The following SDK1 variants were observed in gnomAD, a reference collection of about 807,000 sequenced individuals.
The protein encoded by SDK1 is protein sidekick-1.
A neutral mutation model predicts 245.5 loss-of-function variants in SDK1; 157 were observed. That is an observed-to-expected ratio of 0.64 (90% CI 0.56 to 0.73). The LOEUF (loss-of-function observed/expected upper bound fraction) is 0.73. SDK1 is among the 30% of genes least tolerant of loss of function. SDK1 has a pLI of 0.00. For synonymous variants in SDK1, 1,647 were observed against 1,278.5 expected (o/e 1.29, Z -6.15); for missense variants, 3,583 against 3,002.3 (o/e 1.19, Z -4.52).
chr7:3,608,963 G>A (rs1486143506), intron 1 of SDK1, among the ~76,000 whole-genome samples: 1 of 152,102 alleles, frequency 6.6e-6, no homozygotes, highest in East Asian at 1.9e-4. Flanking sequence ...TATTACAAGA[G>A]ACTAAATGCA....
chr7:3,691,212 G>C (rs548319449), intron 4 of SDK1, among the ~76,000 whole-genome samples: 1 of 152,152 alleles, frequency 6.6e-6, no homozygotes, highest in African/African-American at 2.4e-5. Context: ...CTGGACTTTA[G>C]ATTTGCAAGA....
chr7:4,237,990 C>G (rs1171765520), intron 42 of SDK1, among the ~76,000 whole-genome samples: 1 of 152,206 alleles, frequency 6.6e-6, no homozygotes, highest in Non-Finnish European at 1.5e-5. Flanking sequence ...CAGATGCTGA[C>G]CCTGCCTGCC....
In SDK1 at chr7:3,974,361, G is replaced by C; in HGVS notation, c.1818-8G>C. The stretch of plus-strand genomic sequence containing the variant: ...TTTGTAACTCAAGACCCTTTGCTTG[G>C]CCCACAGCTACGTTTGGAAGAAGGA... On this transcript the variant is annotated splice_region_variant and splice_polypyrimidine_tract_variant and intron_variant, in intron 12 of 44. Coordinates refer to ENST00000404826, the MANE Select transcript of SDK1 (RefSeq NM_152744.4). The C allele has an allele frequency of 1.2e-6, 2 of 1,608,738 alleles. No homozygotes were observed. Among genetic ancestry groups the C allele is most frequent in the Non-Finnish European group, 1.7e-6 (2 of 1,175,610 alleles).
At chr7:4,070,854 C>T (rs1005163217) in intron 20 of SDK1, among the ~76,000 whole-genome samples, 1 of 152,088 alleles carries the variant, frequency 6.6e-6, no homozygotes, top group Non-Finnish European at 1.5e-5. Flanking sequence ...GAACTACAGG[C>T]GTGAGCCACC....
At chr7:3,336,464 AGGT>A (rs1780202787) in intron 1 of SDK1, among the ~76,000 whole-genome samples, 1 of 152,254 alleles carries the variant, frequency 6.6e-6, no homozygotes, top group South Asian at 2.1e-4. Context: ...AGCCACAATG[AGGT>A]GGTGCTAGCA....
At chr7:4,248,979 T>C (rs1038403298) in intron 44 of SDK1, among the ~76,000 whole-genome samples, 6 of 146,434 alleles carry the variant, frequency 4.1e-5, no homozygotes, top group Admixed American at 6.7e-5. Context: ...TACACATATG[T>C]ACATACATGC....
At chr7:3,792,432 C>T (rs575800606) in intron 4 of SDK1, among the ~76,000 whole-genome samples, 1 of 152,164 alleles carries the variant, frequency 6.6e-6, no homozygotes, top group African/African-American at 2.4e-5. Context: ...GGGCATGCAC[C>T]GTGACTTATA....
At chr7:3,524,200 G>A (rs1783041084) in intron 1 of SDK1, among the ~76,000 whole-genome samples, 1 of 152,202 alleles carries the variant, frequency 6.6e-6, no homozygotes, top group Non-Finnish European at 1.5e-5. Context: ...TATGAGAGGT[G>A]AGGTCAGGGG....
rs575374364 is a variant in SDK1, at chr7:4,061,309, T to C, written c.2912-6529T>C. Among the ~76,000 whole-genome samples, 247 of 152,244 alleles carry C rather than the reference T, an allele frequency of 1.6e-3. 1 individual carries two copies. The highest frequency in any genetic ancestry group is 5.8e-3 in the African/African-American group (239 of 41,554). The stretch of plus-strand genomic sequence containing the variant: ...TTCTTCCATTTGTTTGTATCCTCTT[T>C]TATTTCATTGAGCAGTGGTTTGTAG... On this transcript the variant is annotated intron_variant, in intron 19 of 44. Transcript: ENST00000404826.
At chr7:3,454,624 G>C (rs1780619734) in intron 1 of SDK1, among the ~76,000 whole-genome samples, 1 of 152,116 alleles carries the variant, frequency 6.6e-6, no homozygotes, top group Non-Finnish European at 1.5e-5. Flanking sequence ...GGGATTTGCT[G>C]CTTTACTCAG....
chr7:3,358,395 C>A lies in SDK1; in HGVS notation c.298+56511C>A, dbSNP rs376906554. Among the ~76,000 whole-genome samples the A allele has an allele frequency of 1.0e-4, 15 of 149,472 alleles. No homozygotes were observed. In the South Asian group the frequency reaches 2.8e-3, roughly 27 times the overall value. ...AATATGAAGTTGTTTTAATGAGGGG[C>A]AAATATTTGGAGCAATTAGCTAATC... On this transcript the variant is annotated intron_variant, in intron 1 of 44. Transcript: ENST00000404826.
At chr7:3,545,167 C>T (rs1048924630) in intron 1 of SDK1, among the ~76,000 whole-genome samples, 1 of 152,086 alleles carries the variant, frequency 6.6e-6, no homozygotes, top group Non-Finnish European at 1.5e-5. Flanking sequence ...TAATTGACGC[C>T]TAACAGACCT....
chr7:3,663,285 C>G (rs548961978), intron 4 of SDK1, among the ~76,000 whole-genome samples: 2 of 152,050 alleles, frequency 1.3e-5, no homozygotes, highest in Admixed American at 6.6e-5. Context: ...AAATGAACAT[C>G]CATGTTTTTG....
At chr7:4,202,412 G>A (rs978841157) in intron 35 of SDK1, among the ~76,000 whole-genome samples, 28 of 152,310 alleles carry the variant, frequency 1.8e-4, no homozygotes, top group African/African-American at 5.8e-4. Context: ...GACTCTGGTT[G>A]GGGGAGCAGC....
intron 1 of SDK1, among the ~76,000 whole-genome samples, chr7:3,394,838 T>C (rs1322908302): frequency 6.6e-6 from 1 of 152,140 alleles, no homozygotes; most frequent in African/African-American, 2.4e-5. Flanking sequence ...TTTTTATATA[T>C]TGATCTTGTA....
intron 17 of SDK1, among the ~76,000 whole-genome samples, chr7:4,035,108 A>C (rs1788119093): frequency 6.6e-6 from 1 of 152,000 alleles, no homozygotes; most frequent in South Asian, 2.1e-4. Context: ...CCTCCCGAGT[A>C]GCTGGGATTA....
chr7:3,689,933 T>C (rs1223504127), intron 4 of SDK1, among the ~76,000 whole-genome samples: 2 of 152,250 alleles, frequency 1.3e-5, no homozygotes, highest in Non-Finnish European at 2.9e-5. Flanking sequence ...AAAAATATTT[T>C]CAGTTTAGAA....
At chr7:3,481,502 C>T (rs1583924284) in intron 1 of SDK1, among the ~76,000 whole-genome samples, 2 of 152,322 alleles carry the variant, frequency 1.3e-5, no homozygotes, top group East Asian at 3.9e-4. Context: ...TGTTAGTGAG[C>T]CTCCTGCCTG....
At position 4,026,047 on chromosome 7, in the gene SDK1, G is replaced by A. The variant is rs548240015; in HGVS notation, c.2602+8695G>A. 9.2e-5 allele frequency among the ~76,000 whole-genome samples: 14 copies of A among 152,334 alleles called. No homozygotes were observed. Among genetic ancestry groups the A allele is most frequent in the South Asian group, 2.1e-4 (1 of 4,822 alleles). ...ATGGGGAAATTAGGTCCACGAACGC[G>A]TCCCCAGCGTTGGGGAGGTATGCCA... On this transcript the variant is annotated intron_variant, in intron 17 of 44. Transcript: ENST00000404826. This position sits in a 1 kb window ranked among gnomAD's most constrained non-coding sequence, Gnocchi z 4.1.
Sources: allele counts gnomAD v4.1 joint callset (sites outside exome capture counted in the v4.1 genomes callset), GRCh38; gene constraint gnomAD v4.1.1; non-coding constraint Gnocchi (gnomAD v3.1); transcripts MANE v1.5; gene names NCBI Gene and HGNC (gene_info 2026-07-23, HGNC 2026-07-21).